GPD1L: variants seen among roughly 807,000 people sequenced by gnomAD.
GPD1L encodes the protein glycerol-3-phosphate dehydrogenase 1-like protein.
A neutral mutation model predicts 32.9 loss-of-function variants in GPD1L; 17 were observed. The ratio of observed to expected loss-of-function variants is 0.52; its 90% confidence interval spans 0.35 to 0.78. The LOEUF is 0.78. Ranked by LOEUF, GPD1L falls within the 30% of genes least tolerant of loss-of-function variation. GPD1L has a pLI of 0.01. For missense variants in GPD1L, 361 were observed against 447.8 expected, an observed-to-expected ratio of 0.81 and a Z score of 1.75; for synonymous variants, 187 against 165.9, an observed-to-expected ratio of 1.13 and a Z score of -0.98.
intron 2 of GPD1L, 98 bp from the exon 3 acceptor site, chr3:32,138,489 A>C: frequency 9.2e-7 from 1 of 1,088,426 alleles, no homozygotes; most frequent in African/African-American, 1.5e-5. Context: ...TGCTCTGCAC[A>C]TAGTAGGCAT....
chr3:32,127,936 G>T, intron 1 of GPD1L, 140 bp from the exon 2 acceptor site: 1 of 701,058 alleles, frequency 1.4e-6, no homozygotes. Flanking sequence ...AAATGGCTTG[G>T]GGCTGATACA....
At chr3:32,114,646 T>A (rs1328234681) in intron 1 of GPD1L, among the ~76,000 whole-genome samples, 1 of 152,246 alleles carries the variant, frequency 6.6e-6, no homozygotes, top group Non-Finnish European at 1.5e-5. Context: ...GTTTCCGGAC[T>A]TGGTTCCTTC....
At chr3:32,156,829 T>A (rs911830050) in intron 5 of GPD1L, among the ~76,000 whole-genome samples, 1 of 152,232 alleles carries the variant, frequency 6.6e-6, no homozygotes. Context: ...ATAGGCCTGA[T>A]GTTTTAAGAA....
At chr3:32,114,512 C>T (rs1332085387) in intron 1 of GPD1L, among the ~76,000 whole-genome samples, 3 of 152,178 alleles carry the variant, frequency 2.0e-5, no homozygotes, top group African/African-American at 4.8e-5. Flanking sequence ...AAATGTTTCA[C>T]AGTAACAAAT....
chr3:32,159,620 C>T lies in GPD1L; in HGVS notation c.905C>T (p.Pro302Leu), dbSNP rs1409253059. ...CTGAATGGGCAAAAGCTCCAAGGAC[C>T]GCAGACTTCTGCTGAAGTGTACCGC... ...EMLNGQKLQG[P>L]QTSAEVYRIL... Residue 302 changes from proline to leucine, a missense_variant, in exon 7 of 8, where the codon CCG (proline) becomes CTG (leucine). Coordinates refer to ENST00000282541, the MANE Select transcript of GPD1L (RefSeq NM_015141.4). 1.5e-5 allele frequency: 25 copies of T among 1,612,930 alleles called. No homozygotes were observed. Among genetic ancestry groups the T allele is most frequent in the Non-Finnish European group, 2.0e-5 (23 of 1,179,400 alleles).
At chr3:32,149,965 G>T (rs994621928) in intron 5 of GPD1L, among the ~76,000 whole-genome samples, 5 of 141,480 alleles carry the variant, frequency 3.5e-5, no homozygotes, top group African/African-American at 1.3e-4. Context: ...AAAAAAAAAT[G>T]TAATTCATGT....
intron 5 of GPD1L, chr3:32,158,668 G>A: frequency 8.8e-7 from 1 of 1,142,734 alleles, no homozygotes; most frequent in Non-Finnish European, 1.2e-6. Flanking sequence ...TGGGCTCTTT[G>A]TCCTAGAAAG....
intron 1 of GPD1L, among the ~76,000 whole-genome samples, chr3:32,108,021 T>A (rs572827057): frequency 1.3e-5 from 2 of 152,284 alleles, no homozygotes; most frequent in African/African-American, 4.8e-5. Flanking sequence ...GTAGCTGGGA[T>A]TACAGGTGTG....
intron 4 of GPD1L, among the ~76,000 whole-genome samples, chr3:32,141,336 T>C (rs951391390): frequency 6.6e-6 from 1 of 152,230 alleles, no homozygotes; most frequent in Non-Finnish European, 1.5e-5. Flanking sequence ...AAGATAGAGA[T>C]AATCAAAAGA....
At chr3:32,128,370 A>G in intron 2 of GPD1L, 117 bp downstream of exon 2, 2 of 853,058 alleles carry the variant, frequency 2.3e-6, no homozygotes, top group Non-Finnish European at 4.0e-6. Context: ...CCTTTCCACT[A>G]CCAATTGGTT....
intron 2 of GPD1L, among the ~76,000 whole-genome samples, chr3:32,131,438 C>G (rs1022249267): frequency 6.6e-6 from 1 of 152,228 alleles, no homozygotes; most frequent in African/African-American, 2.4e-5. Context: ...TAGGTGACTA[C>G]TAATCTACTT....
In GPD1L at chr3:32,165,808, A is replaced by C. The variant is rs975084458; in HGVS notation, c.960-6A>C. The C allele has an allele frequency of 5.9e-6, 9 of 1,526,686 alleles. No homozygotes were observed. Among genetic ancestry groups the C allele is most frequent in the Non-Finnish European group, 8.2e-6 (9 of 1,100,534 alleles). 94.6% of individuals were successfully genotyped at this position (1,526,686 alleles called of 1,614,324 possible). ...ACTTTGTCTTTTCACATTTCCTCCC[A>C]ACTAGGTTTCCATTGTTTACTGCAG... On this transcript the variant is annotated splice_polypyrimidine_tract_variant and splice_region_variant and intron_variant, in intron 7 of 7. Transcript: ENST00000282541.
intron 1 of GPD1L, among the ~76,000 whole-genome samples, chr3:32,127,213 G>T (rs1463243409): frequency 1.3e-5 from 2 of 152,148 alleles, no homozygotes; most frequent in East Asian, 3.9e-4. Flanking sequence ...ACATGAATTT[G>T]CAAGATGCTC....
intron 2 of GPD1L, among the ~76,000 whole-genome samples, chr3:32,128,886 G>C (rs970545492): frequency 1.3e-5 from 2 of 152,320 alleles, no homozygotes; most frequent in African/African-American, 4.8e-5. Context: ...ACAATGGTCT[G>C]TAATTAAAGT....
chr3:32,125,792 G>A (rs961581760), intron 1 of GPD1L, among the ~76,000 whole-genome samples: 10 of 149,252 alleles, frequency 6.7e-5, no homozygotes, highest in African/African-American at 1.8e-4. Flanking sequence ...CTGGCCCAAT[G>A]CATTACGCAT....
chr3:32,143,794 A>G (rs1429423319), intron 4 of GPD1L, among the ~76,000 whole-genome samples: 1 of 151,998 alleles, frequency 6.6e-6, no homozygotes, highest in Admixed American at 6.6e-5. Flanking sequence ...CCTTGTCAAC[A>G]TGACAAGCGA....
chr3:32,128,391 G>C, intron 2 of GPD1L, 138 bp downstream of exon 2: 1 of 757,672 alleles, frequency 1.3e-6, no homozygotes. Flanking sequence ...GGTTGGTTTT[G>C]GTCTTCCTGA....
rs150135358 is a variant in GPD1L at position 32,130,872 on chromosome 3, G to A, written c.225+2619G>A. Among the ~76,000 whole-genome samples, 37 of 152,194 alleles carry A rather than the reference G, an allele frequency of 2.4e-4. 1 individual carries two copies. The highest frequency in any genetic ancestry group is 7.9e-4 in the African/African-American group (33 of 41,516). On this transcript the variant is annotated intron_variant, in intron 2 of 7. Coordinates refer to ENST00000282541, the MANE Select transcript of GPD1L (RefSeq NM_015141.4). ...TACTAAAAAAAGAAAAATTAGCCGG[G>A]TGTAGTGGTGCACACCTGTAATCCC... is the stretch of plus-strand genomic sequence containing the variant.
chr3:32,140,173 C>T (rs1700720426), intron 3 of GPD1L, 55 bp from the exon 4 acceptor site: 5 of 1,598,764 alleles, frequency 3.1e-6, no homozygotes, highest in Non-Finnish European at 4.3e-6. Flanking sequence ...TCTACTATCC[C>T]ATGCCTCTTT....
Sources: allele counts gnomAD v4.1 joint callset (sites outside exome capture counted in the v4.1 genomes callset), GRCh38; gene constraint gnomAD v4.1.1; transcripts MANE v1.5; gene names NCBI Gene and HGNC (gene_info 2026-07-23, HGNC 2026-07-21).